Variants in PPP1R12B observed in about 807,000 individuals in gnomAD.
PPP1R12B encodes myosin phosphatase target subunit 2.
In PPP1R12B, 76 loss-of-function variants were observed where a neutral mutation model predicts 126.1. The observed-to-expected ratio is 0.60, with a 90% CI of 0.50 to 0.73. The LOEUF is 0.73. PPP1R12B is among the 30% of genes least tolerant of loss of function. PPP1R12B has a pLI of 0.00. For synonymous variants in PPP1R12B, 356 were observed against 434.7 expected, an observed-to-expected ratio of 0.82 and a Z score of 2.25; for missense variants, 1,052 against 1,205.1, an observed-to-expected ratio of 0.87 and a Z score of 1.88.
intron 18 of PPP1R12B, among the ~76,000 whole-genome samples, chr1:202,499,998 A>G (rs1280406910): frequency 6.6e-6 from 1 of 152,256 alleles, no homozygotes; most frequent in African/African-American, 2.4e-5. Flanking sequence ...ATAGAGAAAA[A>G]GAAACTCTTA....
At chr1:202,409,239 G>C (rs1477564499) in intron 1 of PPP1R12B, among the ~76,000 whole-genome samples, 1 of 151,770 alleles carries the variant, frequency 6.6e-6, no homozygotes, top group Non-Finnish European at 1.5e-5. Context: ...TTAATTTTTT[G>C]AGGAACTTCC....
chr1:202,495,077 G>A (rs1009404804), intron 15 of PPP1R12B, among the ~76,000 whole-genome samples: 5 of 150,576 alleles, frequency 3.3e-5, no homozygotes, highest in African/African-American at 4.9e-5. Flanking sequence ...GGGATTCTCA[G>A]AGTAGGAGTC....
intron 18 of PPP1R12B, among the ~76,000 whole-genome samples, chr1:202,555,825 G>T (rs992101334): frequency 5.3e-5 from 8 of 151,820 alleles, no homozygotes; most frequent in Admixed American, 3.9e-4. Context: ...TGAACCAAAG[G>T]TACGAAGTTT....
chr1:202,559,182 C>T (rs192447171), intron 19 of PPP1R12B, among the ~76,000 whole-genome samples: 7 of 152,230 alleles, frequency 4.6e-5, no homozygotes, highest in East Asian at 1.9e-4. Flanking sequence ...GCACCATGCT[C>T]GGTATTAGGG....
At chr1:202,574,047 G>A (rs1240800166) in intron 23 of PPP1R12B, among the ~76,000 whole-genome samples, 2 of 151,702 alleles carry the variant, frequency 1.3e-5, no homozygotes, top group African/African-American at 4.8e-5. Context: ...GACTGCAGAG[G>A]AAAACTATCA....
rs191326565 is a variant in PPP1R12B, at chr1:202,451,205, G to A, written c.1850+2034G>A. 7.3e-3 allele frequency among the ~76,000 whole-genome samples: 1,092 copies of A among 148,870 alleles called. 12 individuals carry two copies. The highest frequency in any genetic ancestry group is 0.025 in the African/African-American group (1,026 of 40,290). Reference sequence around the variant, plus strand: ...TTTATTTTTTATTGATCATTCTTGGGTGTTCCTCGCAGAGGGGGATTTGGC... The same window carrying A: ...TTTATTTTTTATTGATCATTCTTGGATGTTCCTCGCAGAGGGGGATTTGGC... On this transcript the variant is annotated intron_variant, in intron 13 of 23. Coordinates refer to ENST00000608999, the MANE Select transcript of PPP1R12B (RefSeq NM_002481.4).
intron 1 of PPP1R12B, among the ~76,000 whole-genome samples, chr1:202,356,915 G>A (rs1657211674): frequency 1.3e-5 from 2 of 151,322 alleles, no homozygotes; most frequent in South Asian, 2.1e-4. Flanking sequence ...TCCGCTGCCC[G>A]GGATCAAGCG....
intron 1 of PPP1R12B, among the ~76,000 whole-genome samples, chr1:202,398,055 T>C (rs1222986575): frequency 1.3e-5 from 2 of 152,162 alleles, no homozygotes; most frequent in Admixed American, 6.5e-5. Flanking sequence ...GGACTACAGG[T>C]GTGCGCCCCT....
At chr1:202,562,988 C>T (rs925809163) in intron 20 of PPP1R12B, 66 bp downstream of exon 20, 59 of 1,453,408 alleles carry the variant, frequency 4.1e-5, no homozygotes, top group Admixed American at 2.0e-4. Flanking sequence ...TCCTCCACCA[C>T]ACCCAGAAAA....
chr1:202,568,829 C>G (rs1386453855), intron 22 of PPP1R12B, among the ~76,000 whole-genome samples: 4 of 152,198 alleles, frequency 2.6e-5, no homozygotes, highest in Non-Finnish European at 5.9e-5. Flanking sequence ...CACTTGCAGA[C>G]ATTTGAAATT....
At chr1:202,479,110 A>G (rs1229563084) in intron 13 of PPP1R12B, among the ~76,000 whole-genome samples, 1 of 152,158 alleles carries the variant, frequency 6.6e-6, no homozygotes, top group African/African-American at 2.4e-5. Context: ...TTGGGACTTA[A>G]TTTTTTTAGT....
chr1:202,563,644 A>AT, intron 20 of PPP1R12B, among the ~76,000 whole-genome samples: 1 of 150,488 alleles, frequency 6.6e-6, no homozygotes, highest in East Asian at 1.9e-4. Context: ...AAAAAAAAAA[A>AT]GAAAAGAAAA....
chr1:202,442,652 G>A, intron 12 of PPP1R12B, 80 bp downstream of exon 12: 1 of 1,394,152 alleles, frequency 7.2e-7, no homozygotes, highest in Non-Finnish European at 9.6e-7. Context: ...GCCTTTTTAT[G>A]TCCAATTAAC....
At chr1:202,490,290 A>G (rs1678686045) in intron 14 of PPP1R12B, among the ~76,000 whole-genome samples, 1 of 152,210 alleles carries the variant, frequency 6.6e-6, no homozygotes, top group Non-Finnish European at 1.5e-5. Context: ...CAAGTAGCAA[A>G]TTTCACCACT....
chr1:202,382,934 A>G (rs1465483219), intron 1 of PPP1R12B, among the ~76,000 whole-genome samples: 1 of 152,088 alleles, frequency 6.6e-6, no homozygotes, highest in Non-Finnish European at 1.5e-5. Context: ...GTACTTTGTA[A>G]TATTATTATT....
At chr1:202,447,032 G>C (rs764580844) in intron 12 of PPP1R12B, among the ~76,000 whole-genome samples, 1 of 152,190 alleles carries the variant, frequency 6.6e-6, no homozygotes, top group Non-Finnish European at 1.5e-5. Context: ...TTTCCCAGAA[G>C]TACTAGTTGT....
chr1:202,503,335 A>G (rs1475958944), intron 18 of PPP1R12B, among the ~76,000 whole-genome samples: 1 of 152,212 alleles, frequency 6.6e-6, no homozygotes, highest in Non-Finnish European at 1.5e-5. Context: ...TGAGATGGAG[A>G]ATACTACAGG....
rs774967813 is a variant in PPP1R12B at position 202,349,082 on chromosome 1, T to G, written c.231T>G (p.Leu77=). Residue 77 remains leucine (L), a synonymous_variant, in exon 1 of 24, where the codon CTT becomes CTG. Transcript: ENST00000608999. The part of the protein sequence containing the change: ...SSGDTDEVRK[L]LARGADINTV... ...GGGACACCGACGAGGTGAGAAAGCT[T>G]CTGGCAAGAGGTGCTGATATCAACA... is the stretch of plus-strand genomic sequence containing the variant. 1.2e-5 allele frequency: 19 copies of G among 1,613,972 alleles called. No individual in the cohort carries two copies. Among genetic ancestry groups the G allele is most frequent in the African/African-American group, 2.7e-5 (2 of 74,926 alleles).
rs1366724985 is a variant in PPP1R12B at position 202,419,328 on chromosome 1, T to C, written c.422+2411T>C. 2.0e-5 allele frequency among the ~76,000 whole-genome samples: 3 copies of C among 152,162 alleles called. No individual in the cohort carries two copies. The highest frequency in any genetic ancestry group is 4.4e-5 in the Non-Finnish European group (3 of 68,024). On this transcript the variant is annotated intron_variant, in intron 2 of 23. Transcript: ENST00000608999. The surrounding 1 kb of genome is among the most constrained non-coding windows in gnomAD (Gnocchi z 4.6). ...AGGATAGTAGCATAAAGACCTTGTA[T>C]TGGTGTTGAGTTAGGAAGGACAAGA...
Sources: gnomAD v4.1 joint callset for allele counts (sites outside exome capture counted in the v4.1 genomes callset) on GRCh38, gnomAD v4.1.1 for gene constraint, Gnocchi (gnomAD v3.1) non-coding constraint, MANE v1.5 for transcripts, NCBI Gene and HGNC (gene_info 2026-07-23, HGNC 2026-07-21) for gene names.